GALNT14: variants seen among roughly 807,000 people sequenced by gnomAD.
The protein encoded by GALNT14 is UDP-GalNAc:polypeptide N-acetylgalactosaminyltransferase 14.
In GALNT14, 60 loss-of-function variants were observed where a neutral mutation model predicts 77.5. The ratio of observed to expected loss-of-function variants is 0.77; its 90% CI spans 0.63 to 0.96. The LOEUF is 0.96. Among genes scored for constraint, GALNT14 ranks in the 40% least tolerant of loss-of-function variants. The probability of loss-of-function intolerance (pLI) is 0.00; values close to 1 mark genes in which losing one functional copy is unlikely to be tolerated. For missense variants in GALNT14, 710 were observed against 731.0 expected, an observed-to-expected ratio of 0.97 and a Z score of 0.33; for synonymous variants, 280 against 281.7, an observed-to-expected ratio of 0.99 and a Z score of 0.06.
At chr2:31,089,834 G>A (rs1388641031) in intron 1 of GALNT14, among the ~76,000 whole-genome samples, 1 of 152,130 alleles carries the variant, frequency 6.6e-6, no homozygotes, top group Non-Finnish European at 1.5e-5. Context: ...TGCAGACCTT[G>A]TTTATACCTG....
intron 1 of GALNT14, among the ~76,000 whole-genome samples, chr2:31,007,344 G>C (rs2148433082): frequency 6.6e-6 from 1 of 152,308 alleles, no homozygotes; most frequent in Non-Finnish European, 1.5e-5. Context: ...TGAACTATCA[G>C]AATGGGATTT....
intron 1 of GALNT14, among the ~76,000 whole-genome samples, chr2:31,087,862 G>A (rs961007716): frequency 2.0e-5 from 3 of 152,182 alleles, no homozygotes; most frequent in African/African-American, 7.2e-5. Context: ...CCTCTGGGAG[G>A]TGATAAGGTC....
chr2:31,126,250 TA>T (rs1001592012), intron 1 of GALNT14, among the ~76,000 whole-genome samples: 5 of 152,180 alleles, frequency 3.3e-5, no homozygotes, highest in Admixed American at 6.5e-5. Flanking sequence ...ACCCAGGTTC[TA>T]AAGGCAAGTT....
chr2:31,084,450 C>T (rs919988492), intron 1 of GALNT14, among the ~76,000 whole-genome samples: 1 of 152,190 alleles, frequency 6.6e-6, no homozygotes, highest in East Asian at 1.9e-4. Context: ...AGGCAGCCAG[C>T]ATGGCATGTA....
Position 31,130,771 on chromosome 2 carries a change from T to C in GALNT14, c.129+7187A>G, listed in dbSNP as rs1291989402. On this transcript the variant is annotated intron_variant, in intron 1 of 14. Transcript: ENST00000349752. ...GTGTGTGTGTGTGTGTGTGTGTGTGTGTGTGTGTGTGTGCGCGCGCACCTG... is the reference window on the plus strand; with the variant it reads ...GTGTGTGTGTGTGTGTGTGTGTGTGCGTGTGTGTGTGTGCGCGCGCACCTG... Among the ~76,000 whole-genome samples, 8 of 141,344 alleles carry C rather than the reference T, an allele frequency of 5.7e-5. No individual in the cohort carries two copies. The South Asian group carries it at 1.8e-3, about 32-fold the overall frequency. The allele number at this position is 141,344 out of a possible 152,430, so 92.7% of individuals were successfully genotyped here.
At chr2:30,912,582 C>T (rs1664435238) in intron 13 of GALNT14, among the ~76,000 whole-genome samples, 2 of 152,364 alleles carry the variant, frequency 1.3e-5, no homozygotes, top group African/African-American at 4.8e-5. Flanking sequence ...GCCATTCAGG[C>T]TGCCTCTGGG....
chr2:30,986,742 T>G (rs79030113), intron 2 of GALNT14, among the ~76,000 whole-genome samples: 3,196 of 152,284 alleles, frequency 0.021, 46 homozygotes, highest in Non-Finnish European at 0.03. Flanking sequence ...TACAGTGAAT[T>G]CGTTATTTAA....
Position 31,132,553 on chromosome 2 carries a change from G to T in GALNT14, c.129+5405C>A, listed in dbSNP as rs1453729213. 30 of 364,702 alleles carry T rather than the reference G, an allele frequency of 8.2e-5. 1 individual carries two copies. The highest frequency in any genetic ancestry group is 6.1e-4 in the South Asian group (29 of 47,366). 22.6% of individuals were successfully genotyped at this position (364,702 alleles called of 1,614,324 possible). On this transcript the variant is annotated intron_variant, in intron 1 of 14. Coordinates refer to ENST00000349752, the MANE Select transcript of GALNT14 (RefSeq NM_024572.4). ...TGCATCTCATCATGGGCTACTTCTG[G>T]TCATGCCAGAGTCACACTGAAATTG...
intron 13 of GALNT14, among the ~76,000 whole-genome samples, chr2:30,918,588 A>T (rs950162757): frequency 1.4e-4 from 22 of 151,876 alleles, no homozygotes; most frequent in African/African-American, 3.6e-4. Flanking sequence ...CATTCCCAAG[A>T]CTGTGTTGAC....
chr2:30,938,359 T>TACACAC (rs151007812), intron 9 of GALNT14, among the ~76,000 whole-genome samples: 14,887 of 140,704 alleles, frequency 0.11, 929 homozygotes, highest in East Asian at 0.16. Context: ...AGATTCCTTT[T>TACACAC]ACACACACAC....
At chr2:31,063,765 G>A (rs763504157) in intron 1 of GALNT14, among the ~76,000 whole-genome samples, 2 of 152,090 alleles carry the variant, frequency 1.3e-5, no homozygotes, top group Non-Finnish European at 2.9e-5. Flanking sequence ...CCTTGAAGAG[G>A]TCCTTAATGT....
chr2:31,034,397 T>G (rs995868627), intron 1 of GALNT14, among the ~76,000 whole-genome samples: 1 of 152,230 alleles, frequency 6.6e-6, no homozygotes. Context: ...AAAGTTTCAA[T>G]GTCTCCTTCC....
Position 31,114,920 on chromosome 2 carries a change from A to G in GALNT14, c.129+23038T>C, listed in dbSNP as rs1678029235. 1.2e-5 allele frequency: 8 copies of G among 658,586 alleles called. No homozygotes were observed. The East Asian group carries it at 1.9e-4, about 16-fold the overall frequency. The allele number at this position is 658,586 out of a possible 1,614,324, so 40.8% of individuals were successfully genotyped here. A position where few individuals can be genotyped will look rare whatever the true frequency, so the allele number is the denominator to read the frequency against. On this transcript the variant is annotated intron_variant, in intron 1 of 14. Transcript: ENST00000349752. ...AAAAGTATTATGACTTCAGTCATAC[A>G]CCATCTGCAAAACTGGAATCCAGAA...
chr2:31,033,458 T>A (rs1672533021), intron 1 of GALNT14, among the ~76,000 whole-genome samples: 1 of 152,218 alleles, frequency 6.6e-6, no homozygotes, highest in Non-Finnish European at 1.5e-5. Flanking sequence ...CCCTGTTGGC[T>A]ACCTTTCCTT....
At chr2:31,000,952 C>T (rs536198631) in intron 1 of GALNT14, among the ~76,000 whole-genome samples, 1 of 152,124 alleles carries the variant, frequency 6.6e-6, no homozygotes, top group African/African-American at 2.4e-5. Context: ...GAAACTATAT[C>T]CCCAATTTTC....
intron 1 of GALNT14, among the ~76,000 whole-genome samples, chr2:31,017,696 A>T (rs1008982402): frequency 6.6e-6 from 1 of 152,154 alleles, no homozygotes; most frequent in African/African-American, 2.4e-5. Flanking sequence ...GAGAAGGCCT[A>T]GAAAGCCCAG....
chr2:30,902,669 T>A, the GALNT14 span, among the ~76,000 whole-genome samples: 4 of 152,130 alleles, frequency 2.6e-5, no homozygotes, highest in African/African-American at 9.7e-5. Flanking sequence ...ATAAATAATG[T>A]CACTTGTCCC....
chr2:30,914,415 C>A (rs905689225), intron 13 of GALNT14, among the ~76,000 whole-genome samples: 1 of 152,182 alleles, frequency 6.6e-6, no homozygotes, highest in Admixed American at 6.5e-5. Flanking sequence ...ATCAGCTCCA[C>A]CTTGACAGGG....
At chr2:30,948,358 A>C (rs1666827270) in intron 6 of GALNT14, among the ~76,000 whole-genome samples, 1 of 152,192 alleles carries the variant, frequency 6.6e-6, no homozygotes, top group South Asian at 2.1e-4. Context: ...CCTGCCTAGA[A>C]GACTGTCTTT....
Sources: gnomAD v4.1 joint callset for allele counts (sites outside exome capture counted in the v4.1 genomes callset) on GRCh38, gnomAD v4.1.1 for gene constraint, MANE v1.5 for transcripts, NCBI Gene and HGNC (gene_info 2026-07-23, HGNC 2026-07-21) for gene names.